The following SYT1 variants were observed in gnomAD, a reference collection of about 807,000 sequenced individuals.
SYT1 encodes synaptotagmin 1.
SYT1 carries 8 observed loss-of-function variants against 44.8 expected under a neutral mutation model. That is an observed-to-expected ratio of 0.18 (90% CI 0.10 to 0.32). SYT1 has a LOEUF of 0.32. Ranked by LOEUF, SYT1 falls within the 10% of genes least tolerant of loss-of-function variation. The pLI, the probability that SYT1 is intolerant of heterozygous loss-of-function variation, is 1.00. For missense variants in SYT1, 286 were observed against 509.3 expected (o/e 0.56, Z 4.22); for synonymous variants, 154 against 188.8 (o/e 0.82, Z 1.51).
intron 7 of SYT1, among the ~76,000 whole-genome samples, chr12:79,298,416 A>C (rs1879976843): frequency 1.3e-5 from 2 of 152,158 alleles, no homozygotes; most frequent in African/African-American, 4.8e-5. Flanking sequence ...TAGATGGCCC[A>C]ATATTCTTCC....
In SYT1 at chr12:79,180,086, C is replaced by T. The variant is rs78197051; in HGVS notation, c.-17-37417C>T. 7.0e-3 allele frequency among the ~76,000 whole-genome samples: 1,061 copies of T among 152,068 alleles called. 10 individuals carry two copies. The highest frequency in any genetic ancestry group is 0.044 in the Middle Eastern group (13 of 294). On this transcript the variant is annotated intron_variant, in intron 3 of 10. Transcript: ENST00000261205. ...GGGTGAATTTCTAGAAGTGGGATTG[C>T]AAAGAGAAGAGTTACTAAAGATAAA...
intron 4 of SYT1, among the ~76,000 whole-genome samples, chr12:79,218,838 T>C (rs1874976892): frequency 6.6e-6 from 1 of 152,160 alleles, no homozygotes; most frequent in Non-Finnish European, 1.5e-5. Flanking sequence ...AGTGCAGATA[T>C]CTGTTTGTCA....
intron 4 of SYT1, among the ~76,000 whole-genome samples, chr12:79,242,749 C>T (rs1188642778): frequency 6.6e-6 from 1 of 152,176 alleles, no homozygotes; most frequent in Non-Finnish European, 1.5e-5. Flanking sequence ...ACTGCCTCCT[C>T]CTCCCAAAAT....
chr12:79,088,348 C>CAA (rs2137986645), intron 3 of SYT1, among the ~76,000 whole-genome samples: 1 of 152,142 alleles, frequency 6.6e-6, no homozygotes, highest in Non-Finnish European at 1.5e-5. Flanking sequence ...AACAAACTGA[C>CAA]AATAGACAGG....
intron 5 of SYT1, among the ~76,000 whole-genome samples, chr12:79,290,816 A>G (rs1298432996): frequency 1.3e-5 from 2 of 152,228 alleles, no homozygotes; most frequent in African/African-American, 4.8e-5. Context: ...AGAAAAAGGC[A>G]AACAACACAT....
At chr12:78,985,703 G>A (rs911086283) in intron 2 of SYT1, among the ~76,000 whole-genome samples, 1 of 151,868 alleles carries the variant, frequency 6.6e-6, no homozygotes, top group Non-Finnish European at 1.5e-5. Flanking sequence ...GAGTATAAAT[G>A]TAAGGAAATT....
chr12:79,433,533 T>A (rs774395848), intron 9 of SYT1, among the ~76,000 whole-genome samples: 5 of 152,140 alleles, frequency 3.3e-5, no homozygotes, highest in Non-Finnish European at 7.4e-5. Flanking sequence ...CTGACGTAAA[T>A]AAGAGGCTTA....
intron 1 of SYT1, among the ~76,000 whole-genome samples, chr12:78,954,528 C>CAG (rs879698866): frequency 3.6e-4 from 54 of 150,196 alleles, no homozygotes; most frequent in African/African-American, 5.8e-4. Flanking sequence ...CATGGAACAT[C>CAG]AGAGAGAGAG....
chr12:78,909,630 C>T (rs184038774), intron 1 of SYT1, among the ~76,000 whole-genome samples: 1 of 151,996 alleles, frequency 6.6e-6, no homozygotes, highest in Non-Finnish European at 1.5e-5. Context: ...TAGACAGAGA[C>T]ATAGATATAG....
intron 3 of SYT1, among the ~76,000 whole-genome samples, chr12:79,164,901 T>A (rs1201145524): frequency 1.3e-5 from 2 of 152,026 alleles, no homozygotes; most frequent in East Asian, 3.9e-4. Context: ...TTTAAGACTT[T>A]GATATAAAGT....
chr12:79,286,207 C>T (rs1879307901), intron 5 of SYT1, among the ~76,000 whole-genome samples: 1 of 152,122 alleles, frequency 6.6e-6, no homozygotes, highest in Non-Finnish European at 1.5e-5. Flanking sequence ...TCATCAGGCC[C>T]ATCTTGATGG....
At chr12:79,201,476 AAGTT>A (rs1214011313) in intron 3 of SYT1, among the ~76,000 whole-genome samples, 3 of 152,154 alleles carry the variant, frequency 2.0e-5, no homozygotes, top group African/African-American at 4.8e-5. Flanking sequence ...GGGACGCAAA[AAGTT>A]AGCCATATTC....
intron 1 of SYT1, among the ~76,000 whole-genome samples, chr12:78,917,516 C>T (rs1387465994): frequency 2.0e-5 from 3 of 151,234 alleles, no homozygotes; most frequent in Admixed American, 1.3e-4. Context: ...ATGTAAATGA[C>T]GAGTTAATGG....
intron 8 of SYT1, among the ~76,000 whole-genome samples, chr12:79,308,370 C>T (rs1880524200): frequency 6.6e-6 from 1 of 151,828 alleles, no homozygotes; most frequent in Non-Finnish European, 1.5e-5. Context: ...ATTAAAAATA[C>T]AAAATTAGCC....
intron 3 of SYT1, among the ~76,000 whole-genome samples, chr12:79,198,580 T>G (rs1263123712): frequency 6.6e-6 from 1 of 152,214 alleles, no homozygotes; most frequent in African/African-American, 2.4e-5. Flanking sequence ...AAAATTATTT[T>G]GAAGCAGCAT....
At chr12:79,062,785 A>C (rs1419757501) in intron 3 of SYT1, among the ~76,000 whole-genome samples, 1 of 152,172 alleles carries the variant, frequency 6.6e-6, no homozygotes, top group Non-Finnish European at 1.5e-5. Flanking sequence ...AATGGTTAGA[A>C]ATGTTCTTTT....
At chr12:79,023,825 C>T (rs1384607016) in intron 2 of SYT1, among the ~76,000 whole-genome samples, 1 of 151,672 alleles carries the variant, frequency 6.6e-6, no homozygotes, top group Non-Finnish European at 1.5e-5. Flanking sequence ...ATTCATCACA[C>T]ATCCACTTTT....
intron 3 of SYT1, among the ~76,000 whole-genome samples, chr12:79,196,613 C>T (rs1985861023): frequency 6.6e-6 from 1 of 152,164 alleles, no homozygotes; most frequent in South Asian, 2.1e-4. Context: ...AAATGTGTCC[C>T]TTTAACCTTT....
intron 3 of SYT1, among the ~76,000 whole-genome samples, chr12:79,095,907 C>T (rs1329954657): frequency 2.6e-5 from 4 of 151,858 alleles, no homozygotes; most frequent in Admixed American, 1.3e-4. Context: ...ATTATATGCA[C>T]ATGAGCATGA....
Sources: allele counts gnomAD v4.1 joint callset (sites outside exome capture counted in the v4.1 genomes callset), GRCh38; gene constraint gnomAD v4.1.1; transcripts MANE v1.5; gene names NCBI Gene and HGNC (gene_info 2026-07-23, HGNC 2026-07-21).